Variants in FTSJ1 observed in about 807,000 individuals in gnomAD.
FTSJ1 encodes FtsJ RNA 2'-O-methyltransferase 1.
Under a neutral mutation model 28.5 loss-of-function variants are expected in FTSJ1, and 3 were observed. That is an observed-to-expected ratio of 0.11 (90% CI 0.05 to 0.27). The LOEUF (loss-of-function observed/expected upper bound fraction) is 0.27, where lower values mean the gene tolerates loss of function less well. Among genes scored for constraint, FTSJ1 ranks in the 10% least tolerant of loss-of-function variants. The probability of loss-of-function intolerance (pLI) is 1.00; values close to 1 mark genes in which losing one functional copy is unlikely to be tolerated. For synonymous variants in FTSJ1, 104 were observed against 113.9 expected (o/e 0.91, Z 0.55); for missense variants, 162 against 279.0 (o/e 0.58, Z 2.99).
At chrX:48,477,632 G>A (rs1435896245) in intron 1 of FTSJ1, among the ~76,000 whole-genome samples, 7 of 111,393 alleles carry the variant, frequency 6.3e-5, no homozygotes, top group African/African-American at 2.3e-4. Context: ...CATGACATGA[G>A]CAGAGAAGGG....
chrX:48,477,027 G>A (rs2061536682), intron 1 of FTSJ1, among the ~76,000 whole-genome samples: 1 of 110,696 alleles, frequency 9.0e-6, no homozygotes, highest in Non-Finnish European at 1.9e-5. Context: ...GAGGCTGATG[G>A]TGTTGTAGTC....
chrX:48,482,320 T>C (rs1448277883), intron 9 of FTSJ1, 83 bp from the exon 10 acceptor site: 4 of 600,026 alleles, frequency 6.7e-6, no homozygotes, highest in Non-Finnish European at 8.4e-6. Context: ...GTGGGGAGGG[T>C]TTGGCAGCCA....
intron 9 of FTSJ1, 85 bp from the exon 10 acceptor site, chrX:48,482,318 G>T (rs2061574435): frequency 5.1e-6 from 3 of 587,410 alleles, no homozygotes; most frequent in Non-Finnish European, 5.8e-6. Context: ...ATGTGGGGAG[G>T]GTTTGGCAGC....
chrX:48,476,983 G>A (rs1262036142), intron 1 of FTSJ1, among the ~76,000 whole-genome samples: 1 of 110,518 alleles, frequency 9.0e-6, no homozygotes, highest in Non-Finnish European at 1.9e-5. Context: ...TGGAGGTCAT[G>A]ATCAAGGGGC....
At chrX:48,477,130 G>A (rs1157584335) in intron 1 of FTSJ1, among the ~76,000 whole-genome samples, 1 of 110,798 alleles carries the variant, frequency 9.0e-6, no homozygotes, top group African/African-American at 3.3e-5. Flanking sequence ...GGGTTGGGGG[G>A]GTTAACTTCT....
rs189720378 is a variant in FTSJ1, at chrX:48,483,575, T to C, written c.*9+548T>C. 5.1e-3 allele frequency among the ~76,000 whole-genome samples: 566 copies of C among 111,144 alleles called. 1 individual carries two copies. Among genetic ancestry groups the C allele is most frequent in the African/African-American group, 0.018 (540 of 30,587 alleles). ...CAGGCTGGAGTTCAGTGGTGTGATT[T>C]CCCGGGCTCAAAAAATCCTCCCACC... On this transcript the variant is annotated intron_variant, in intron 12 of 12. Coordinates refer to ENST00000348411, the MANE Select transcript of FTSJ1 (RefSeq NM_012280.4).
chrX:48,481,403 G>C (rs200606065), intron 7 of FTSJ1, 23 bp from the exon 8 acceptor site: 1 of 1,204,603 alleles, frequency 8.3e-7, no homozygotes, highest in Admixed American at 2.2e-5. Flanking sequence ...CTCACCCGCT[G>C]TCTTTGCCTT....
intron 7 of FTSJ1, 29 bp from the exon 8 acceptor site, chrX:48,481,397 C>T (rs201340333): frequency 8.3e-7 from 1 of 1,198,642 alleles, no homozygotes; most frequent in Non-Finnish European, 1.1e-6. Flanking sequence ...GCCACCCTCA[C>T]CCGCTGTCTT....
chrX:48,481,813 C>G (rs2061571668), intron 9 of FTSJ1, 98 bp downstream of exon 9: 11 of 588,542 alleles, frequency 1.9e-5, no homozygotes, highest in Non-Finnish European at 2.6e-5. Context: ...GGGGGAGGCT[C>G]TGTCCCCTCA....
intron 1 of FTSJ1, chrX:48,476,735 G>A (rs1372229813): frequency 8.5e-6 from 1 of 118,224 alleles, no homozygotes; most frequent in African/African-American, 3.2e-5. Flanking sequence ...GGAGCGTGAG[G>A]GTGGGGTGTT....
chrX:48,477,371 TG>T (rs782421550), intron 1 of FTSJ1, among the ~76,000 whole-genome samples: 2 of 111,365 alleles, frequency 1.8e-5, no homozygotes, highest in Non-Finnish European at 3.8e-5. Flanking sequence ...GAATGCTTAA[TG>T]GGGAGCTAAT....
chrX:48,478,815 A>C, intron 4 of FTSJ1, 108 bp downstream of exon 4: 1 of 577,996 alleles, frequency 1.7e-6, no homozygotes, highest in Non-Finnish European at 2.9e-6. Context: ...AGAGAGAGAA[A>C]GAGAGTGAGA....
chrX:48,483,402 A>G (rs2061581884), intron 12 of FTSJ1: 1 of 162,354 alleles, frequency 6.2e-6, no homozygotes, highest in Non-Finnish European at 1.2e-5. Context: ...CAATTTACAT[A>G]TCTTGCAATA....
At chrX:48,482,141 A>G (rs1421287034) in intron 9 of FTSJ1, among the ~76,000 whole-genome samples, 7 of 112,140 alleles carry the variant, frequency 6.2e-5, no homozygotes, top group African/African-American at 2.3e-4. Flanking sequence ...AGTGAGGGAG[A>G]CGTCATCCAG....
rs781812163 is a variant in FTSJ1, at chrX:48,482,698, C to G, written c.861C>G (p.Ala287=). The change falls in exon 11 of 13, where the codon GCC becomes GCG. Residue 287 remains alanine, a synonymous_variant. Transcript: ENST00000348411. ...CGTTGAAGAGGAAGGGGCAGCTGGC[C>G]AAGGAGATCCGCCCCCAGGACTGCC... is the stretch of plus-strand genomic sequence containing the variant. The part of the protein sequence containing the change: ...ACTLKRKGQL[A]KEIRPQDCPI... The G allele has an allele frequency of 1.7e-6, 2 of 1,207,692 alleles. No homozygotes were observed. The highest frequency in any genetic ancestry group is 4.4e-5 in the Admixed American group (2 of 45,663).
At chrX:48,483,882 C>T (rs782098699) in intron 12 of FTSJ1, among the ~76,000 whole-genome samples, 1 of 109,279 alleles carries the variant, frequency 9.2e-6, no homozygotes, top group Admixed American at 9.8e-5. Flanking sequence ...GGAGGGAAGC[C>T]ATGTGTTTAT....
chrX:48,479,333 T>C (rs2061553910), intron 5 of FTSJ1, among the ~76,000 whole-genome samples: 1 of 112,187 alleles, frequency 8.9e-6, no homozygotes, highest in Admixed American at 9.4e-5. Flanking sequence ...CCCTTTGAGT[T>C]TCATGTCTGT....
At chrX:48,485,290 T>C (rs2061595382) in intron 12 of FTSJ1, among the ~76,000 whole-genome samples, 1 of 109,192 alleles carries the variant, frequency 9.2e-6, no homozygotes, top group African/African-American at 3.3e-5. Context: ...TCAGACTCCA[T>C]CTCAAAAAAA....
intron 8 of FTSJ1, 49 bp from the exon 9 acceptor site, chrX:48,481,583 G>A (rs1556968595): frequency 8.7e-7 from 1 of 1,150,437 alleles, no homozygotes; most frequent in Non-Finnish European, 1.2e-6. Flanking sequence ...GACGCCGACT[G>A]CACGAGGAGG....
Sources: gnomAD v4.1 joint callset for allele counts (sites outside exome capture counted in the v4.1 genomes callset) on GRCh38, gnomAD v4.1.1 for gene constraint, MANE v1.5 for transcripts, NCBI Gene and HGNC (gene_info 2026-07-23, HGNC 2026-07-21) for gene names.